The following RYR3 variants were observed in gnomAD, a reference collection of about 807,000 sequenced individuals.
RYR3 encodes brain ryanodine receptor-calcium release channel.
In RYR3, 207 loss-of-function variants were observed where a neutral mutation model predicts 584.3. The observed-to-expected ratio is 0.35, with a 90% CI of 0.32 to 0.40. The LOEUF (loss-of-function observed/expected upper bound fraction) is 0.40. Among genes scored for constraint, RYR3 ranks in the 10% least tolerant of loss-of-function variants. The pLI is 1.00. For missense variants in RYR3, 5,616 were observed against 6,089.2 expected, an observed-to-expected ratio of 0.92 and a Z score of 2.59; for synonymous variants, 2,416 against 2,248.5, an observed-to-expected ratio of 1.07 and a Z score of -2.11.
chr15:33,815,167 AC>A (rs2076751036), intron 74 of RYR3, among the ~76,000 whole-genome samples: 2 of 152,140 alleles, frequency 1.3e-5, no homozygotes, highest in African/African-American at 4.8e-5. Flanking sequence ...AGAATGAGGC[AC>A]CACCAAATCA....
At chr15:33,801,000 G>A in intron 68 of RYR3, 143 bp downstream of exon 68, 1 of 645,042 alleles carries the variant, frequency 1.6e-6, no homozygotes, top group Admixed American at 2.5e-5. Flanking sequence ...CCATGACACT[G>A]CCTCAGGAGG....
chr15:33,720,070 A>G (rs2067796102), intron 43 of RYR3, among the ~76,000 whole-genome samples: 1 of 152,240 alleles, frequency 6.6e-6, no homozygotes, highest in Non-Finnish European at 1.5e-5. Flanking sequence ...GGATTGAGCT[A>G]TAAAACCGTG....
chr15:33,501,720 G>T (rs1229093288), intron 2 of RYR3, among the ~76,000 whole-genome samples: 1 of 152,170 alleles, frequency 6.6e-6, no homozygotes, highest in African/African-American at 2.4e-5. Flanking sequence ...TATGTTTATG[G>T]TATAAGGTCT....
At chr15:33,727,460 A>T (rs539676869) in intron 46 of RYR3, among the ~76,000 whole-genome samples, 5 of 152,350 alleles carry the variant, frequency 3.3e-5, no homozygotes, top group African/African-American at 1.2e-4. Flanking sequence ...GGAATACATC[A>T]CATCAGTATA....
intron 103 of RYR3, chr15:33,864,807 C>G: frequency 3.9e-6 from 1 of 257,566 alleles, no homozygotes; most frequent in Non-Finnish European, 7.4e-6. Flanking sequence ...CTCAAGCATT[C>G]CTCCGTCTTC....
At chr15:33,357,803 T>C (rs1974186896) in intron 1 of RYR3, among the ~76,000 whole-genome samples, 1 of 152,216 alleles carries the variant, frequency 6.6e-6, no homozygotes. Flanking sequence ...CAGGGTAATC[T>C]TCCCCCAGCA....
intron 52 of RYR3, among the ~76,000 whole-genome samples, chr15:33,744,718 G>A (rs1459719789): frequency 6.6e-6 from 1 of 152,202 alleles, no homozygotes; most frequent in Non-Finnish European, 1.5e-5. Flanking sequence ...CAGACCCAGG[G>A]AGGCAAGAGA....
At chr15:33,517,772 G>T (rs181707881) in intron 3 of RYR3, among the ~76,000 whole-genome samples, 3 of 152,058 alleles carry the variant, frequency 2.0e-5, no homozygotes, top group African/African-American at 4.8e-5. Context: ...TGGCTCTAGG[G>T]ATATATATTT....
At chr15:33,315,464 G>A (rs559771817) in intron 1 of RYR3, among the ~76,000 whole-genome samples, 1 of 152,312 alleles carries the variant, frequency 6.6e-6, no homozygotes, top group Middle Eastern at 3.4e-3. Flanking sequence ...ACCCAGACAT[G>A]CAGTGTGAGT....
chr15:33,756,231 C>T (rs1012959525), intron 58 of RYR3, 75 bp from the exon 59 acceptor site: 13 of 972,660 alleles, frequency 1.3e-5, no homozygotes, highest in Non-Finnish European at 1.9e-5. Flanking sequence ...AGAAAAGCTG[C>T]TCTGTTTCTA....
chr15:33,814,635 A>G (rs974970192), intron 74 of RYR3, among the ~76,000 whole-genome samples: 1 of 152,000 alleles, frequency 6.6e-6, no homozygotes, highest in African/African-American at 2.4e-5. Context: ...GCAGTGGCTC[A>G]CTCCTGTAAT....
chr15:33,673,068 TTACCAGCATACA>T (rs1222377518), intron 38 of RYR3, among the ~76,000 whole-genome samples: 2 of 152,238 alleles, frequency 1.3e-5, no homozygotes, highest in East Asian at 3.8e-4. Flanking sequence ...GCCAAAGAAC[TTACCAGCATACA>T]TACCATGAGC....
chr15:33,519,725 G>C (rs1459018533), intron 3 of RYR3, among the ~76,000 whole-genome samples: 1 of 151,366 alleles, frequency 6.6e-6, no homozygotes, highest in African/African-American at 2.4e-5. Flanking sequence ...GAAATCATGA[G>C]AGGTTCAGAA....
chr15:33,549,055 A>C (rs1179575377), intron 9 of RYR3, among the ~76,000 whole-genome samples: 1 of 89,370 alleles, frequency 1.1e-5, no homozygotes, highest in African/African-American at 3.1e-5. Context: ...TACACCATAC[A>C]CACATATGCA....
chr15:33,567,652 C>T (rs974680671), intron 12 of RYR3, among the ~76,000 whole-genome samples: 3 of 152,140 alleles, frequency 2.0e-5, no homozygotes, highest in Admixed American at 1.3e-4. Context: ...GCTACTAGGG[C>T]TCAGGTTCCT....
At chr15:33,797,157 A>G (rs72715172) in intron 67 of RYR3, among the ~76,000 whole-genome samples, 2,304 of 152,304 alleles carry the variant, frequency 0.015, 31 homozygotes, top group Non-Finnish European at 0.025. Context: ...AATGTGCCTT[A>G]TTTGAGTGAC....
At chr15:33,740,808 C>T (rs113663551) in intron 51 of RYR3, among the ~76,000 whole-genome samples, 3,421 of 152,294 alleles carry the variant, frequency 0.022, 151 homozygotes, top group African/African-American at 0.079. Flanking sequence ...GAACCCTTCC[C>T]AGGGGGACTG....
chr15:33,861,201 A>G (rs1888067682), intron 102 of RYR3, 23 bp downstream of exon 102: 1 of 1,527,058 alleles, frequency 6.5e-7, no homozygotes. Flanking sequence ...GGTTAACAAA[A>G]GTAATGGCAG....
At chr15:33,693,673 A>T (rs1386713077) in intron 38 of RYR3, among the ~76,000 whole-genome samples, 1 of 152,214 alleles carries the variant, frequency 6.6e-6, no homozygotes, top group Non-Finnish European at 1.5e-5. Flanking sequence ...TCTGGTGGTG[A>T]GGAGGAGCCC....
Sources: gnomAD v4.1 joint callset for allele counts (sites outside exome capture counted in the v4.1 genomes callset) on GRCh38, gnomAD v4.1.1 for gene constraint, MANE v1.5 for transcripts, NCBI Gene and HGNC (gene_info 2026-07-23, HGNC 2026-07-21) for gene names.